NUP210: variants seen among roughly 807,000 people sequenced by gnomAD.
The protein encoded by NUP210 is nuclear pore membrane glycoprotein 210.
Under a neutral mutation model 196.0 loss-of-function variants are expected in NUP210, and 151 were observed. The observed-to-expected ratio is 0.77, with a 90% confidence interval of 0.67 to 0.88. The LOEUF (loss-of-function observed/expected upper bound fraction) is 0.88. Among genes scored for constraint, NUP210 ranks in the 40% least tolerant of loss-of-function variants. NUP210 has a pLI of 0.00. For synonymous variants in NUP210, 1,070 were observed against 1,052.7 expected (o/e 1.02, Z -0.32); for missense variants, 2,314 against 2,493.7 (o/e 0.93, Z 1.53).
chr3:13,322,194 G>T lies in NUP210; in HGVS notation c.4914C>A (p.Leu1638=), dbSNP rs778921013. The change falls in exon 35 of 40, where the codon CTC becomes CTA. Residue 1638 remains leucine, a splice_region_variant and synonymous_variant. Coordinates refer to ENST00000254508, the MANE Select transcript of NUP210 (RefSeq NM_024923.4). ...TCACTTTCAAATCCTCGCAATTACC[G>T]AGAGCAGTGTCAAACTGTGGCTCCA... ...FTVEPQFDTA[L]GQYFCSITMH... 2 of 1,614,210 alleles carry T rather than the reference G, an allele frequency of 1.2e-6. No individual in the cohort carries two copies. Among genetic ancestry groups the T allele is most frequent in the Non-Finnish European group, 1.7e-6 (2 of 1,180,022 alleles).
rs528640436 is a variant in NUP210 at position 13,360,262 on chromosome 3, C to G, written c.2154+8G>C. 6.2e-7 allele frequency: 1 copy of G among 1,607,564 alleles called. No individual in the cohort carries two copies. The highest frequency in any genetic ancestry group is 1.3e-5 in the African/African-American group (1 of 74,914). The stretch of plus-strand genomic sequence containing the variant: ...GGCAAGGAGGGTCTGGAGCAGCTGC[C>G]CACTCACCTGCTCACCCAAGGCCTG... On this transcript the variant is annotated splice_region_variant and intron_variant, in intron 15 of 39. Coordinates refer to ENST00000254508, the MANE Select transcript of NUP210 (RefSeq NM_024923.4).
chr3:13,420,108 G>A lies in NUP210; in HGVS notation c.119C>T (p.Ala40Val). 1 of 1,382,576 alleles carries A rather than the reference G, an allele frequency of 7.2e-7. No individual in the cohort carries two copies. Among genetic ancestry groups the A allele is most frequent in the Non-Finnish European group, 9.5e-7 (1 of 1,047,426 alleles). 85.6% of individuals were successfully genotyped at this position (1,382,576 alleles called of 1,614,324 possible). ...CTCCAGCGTGAAGTTAACGCGCGTG[G>A]CCCGCGTGAAGGGCAGCAGCACTTT... ...IPKVLLPFTR[A>V]TRVNFTLEAS... Residue 40 changes from alanine to valine, a missense_variant, in exon 1 of 40, where the codon GCC (alanine) becomes GTC (valine). Transcript: ENST00000254508. This position sits in a 1 kb window ranked among gnomAD's most constrained non-coding sequence, Gnocchi z 4.8.
rs184380688 is a variant in NUP210 at position 13,328,339 on chromosome 3, C to T, written c.4286+432G>A. 9.2e-5 allele frequency among the ~76,000 whole-genome samples: 14 copies of T among 152,354 alleles called. No homozygotes were observed. In the East Asian group the frequency reaches 1.5e-3, roughly 17 times the overall value. ...GATGGTGACCTACTCACAGGGCCCA[C>T]GAAGGGCAGAGCTGGGGCTAGAACC... On this transcript the variant is annotated intron_variant, in intron 31 of 39. Transcript: ENST00000254508.
At chr3:13,367,855 C>T (rs1455372674) in intron 13 of NUP210, among the ~76,000 whole-genome samples, 1 of 152,196 alleles carries the variant, frequency 6.6e-6, no homozygotes, top group African/African-American at 2.4e-5. Flanking sequence ...CTGTGCTACA[C>T]GGTATTGCTG....
rs1697453407 is a variant in NUP210 at position 13,340,849 on chromosome 3, C to T, written c.3229-551G>A. 6.6e-6 allele frequency among the ~76,000 whole-genome samples: 1 copy of T among 152,136 alleles called. No homozygotes were observed. The highest frequency in any genetic ancestry group is 1.5e-5 in the Non-Finnish European group (1 of 68,010). Reference sequence around the variant, plus strand: ...CACTCTTTGCAGCAGGTGAAGCCCCCACCTGCTCCTCCTGAAACCCCTACA... The same window carrying T: ...CACTCTTTGCAGCAGGTGAAGCCCCTACCTGCTCCTCCTGAAACCCCTACA... On this transcript the variant is annotated intron_variant, in intron 23 of 39. Transcript: ENST00000254508. The surrounding 1 kb of genome is among the most constrained non-coding windows in gnomAD (Gnocchi z 4.0).
chr3:13,371,640 C>T (rs531006820), intron 13 of NUP210, among the ~76,000 whole-genome samples, 194 bp downstream of exon 13: 2 of 152,332 alleles, frequency 1.3e-5, no homozygotes, highest in African/African-American at 4.8e-5. Context: ...ACTGATTTCC[C>T]GAAGTCACAC....
At position 13,347,070 on chromosome 3, in the gene NUP210, T is replaced by C; in HGVS notation, c.2836-3767A>G. On this transcript the variant is annotated intron_variant, in intron 20 of 39. Transcript: ENST00000254508. This position sits in a 1 kb window ranked among gnomAD's most constrained non-coding sequence, Gnocchi z 4.7. ...GCAATTGCCACCCACTCCCCACTCA[T>C]CCTGGACACATGTCCTCACCTGAAC... 5 of 985,370 alleles carry C rather than the reference T, an allele frequency of 5.1e-6. No individual in the cohort carries two copies. Among genetic ancestry groups the C allele is most frequent in the Non-Finnish European group, 6.0e-6 (5 of 829,904 alleles). 61.0% of individuals were successfully genotyped at this position (985,370 alleles called of 1,614,324 possible).
At chr3:13,362,703 C>T (rs909783654) in intron 14 of NUP210, among the ~76,000 whole-genome samples, 1 of 152,184 alleles carries the variant, frequency 6.6e-6, no homozygotes, top group Non-Finnish European at 1.5e-5. Flanking sequence ...AAGGAGCCCG[C>T]GGTGCCCCTG....
At chr3:13,358,604 T>C (rs1698268186) in intron 15 of NUP210, among the ~76,000 whole-genome samples, 1 of 152,084 alleles carries the variant, frequency 6.6e-6, no homozygotes, top group African/African-American at 2.4e-5. Flanking sequence ...GACTCTCAGA[T>C]GGGAGCCCAT....
At chr3:13,338,601 C>G (rs1215688265) in intron 25 of NUP210, among the ~76,000 whole-genome samples, 1 of 152,238 alleles carries the variant, frequency 6.6e-6, no homozygotes, top group African/African-American at 2.4e-5. Flanking sequence ...TCTCTTCCTG[C>G]TAGTCCTGGC....
chr3:13,376,995 G>A (rs931479111), intron 9 of NUP210, among the ~76,000 whole-genome samples: 2 of 152,220 alleles, frequency 1.3e-5, no homozygotes, highest in Non-Finnish European at 2.9e-5. Context: ...CCCCCTTCCA[G>A]AACCAGAAAG....
At chr3:13,358,168 T>C in intron 16 of NUP210, 54 bp downstream of exon 16, 1 of 1,526,802 alleles carries the variant, frequency 6.5e-7, no homozygotes, top group Non-Finnish European at 8.9e-7. Flanking sequence ...ACCAATGTCC[T>C]CCTGCCCAAG....
intron 36 of NUP210, among the ~76,000 whole-genome samples, chr3:13,320,507 C>T (rs925988915): frequency 6.6e-6 from 1 of 151,492 alleles, no homozygotes; most frequent in African/African-American, 2.4e-5. Flanking sequence ...GTGGCAGGCG[C>T]CTGTAGTCCC....
At chr3:13,404,188 C>G (rs1356484074) in intron 1 of NUP210, among the ~76,000 whole-genome samples, 1 of 152,212 alleles carries the variant, frequency 6.6e-6, no homozygotes, top group Non-Finnish European at 1.5e-5. Context: ...CCACCAATTC[C>G]GTCCTCATCT....
chr3:13,402,944 G>A (rs540785849), intron 1 of NUP210, among the ~76,000 whole-genome samples: 71 of 136,386 alleles, frequency 5.2e-4, no homozygotes, highest in Middle Eastern at 3.9e-3. Flanking sequence ...GTGCACAGTC[G>A]GCATCCCATG....
At chr3:13,372,784 G>A (rs1182517146) in intron 12 of NUP210, among the ~76,000 whole-genome samples, 1 of 152,182 alleles carries the variant, frequency 6.6e-6, no homozygotes, top group Non-Finnish European at 1.5e-5. Flanking sequence ...GGGTCTGAGT[G>A]CAAGCCCCGC....
intron 3 of NUP210, among the ~76,000 whole-genome samples, chr3:13,394,726 G>C (rs1408734972): frequency 6.6e-6 from 1 of 152,210 alleles, no homozygotes; most frequent in East Asian, 1.9e-4. Context: ...GCATCCATGG[G>C]CAGCCAGGGT....
At chr3:13,342,615 T>G (rs988278274) in intron 21 of NUP210, among the ~76,000 whole-genome samples, 4 of 152,242 alleles carry the variant, frequency 2.6e-5, no homozygotes, top group African/African-American at 9.6e-5. Context: ...AACACTCCCC[T>G]TTTAATTACC....
Position 13,366,066 on chromosome 3 carries a change from G to A in NUP210, c.1812C>T (p.His604=), listed in dbSNP as rs1319460417. The A allele has an allele frequency of 2.5e-5, 41 of 1,614,064 alleles. No individual in the cohort carries two copies. Among genetic ancestry groups the A allele is most frequent in the Non-Finnish European group, 3.5e-5 (41 of 1,180,016 alleles). The change falls in exon 14 of 40, where the codon CAC becomes CAT. Residue 604 remains histidine, a synonymous_variant. Transcript: ENST00000254508. ...LPGRLPPGSE[H]CSGIRVKAEA... ...CGGCCTTTACCCGGATGCCGCTGCA[G>A]TGCTCAGAGCCTGGCGGCAGCCTCC...
Sources: allele counts gnomAD v4.1 joint callset (sites outside exome capture counted in the v4.1 genomes callset), GRCh38; gene constraint gnomAD v4.1.1; non-coding constraint Gnocchi (gnomAD v3.1); transcripts MANE v1.5; gene names NCBI Gene and HGNC (gene_info 2026-07-23, HGNC 2026-07-21).